C3orf22: variants seen among roughly 807,000 people sequenced by gnomAD.
The protein encoded by C3orf22 is chromosome 3 open reading frame 22.
C3orf22 carries 7 observed loss-of-function variants against 10.8 expected under a neutral mutation model. The ratio of observed to expected loss-of-function variants is 0.65; its 90% CI spans 0.37 to 1.22. The LOEUF is 1.22. Ranked by LOEUF, C3orf22 falls within the 50% of genes most tolerant of loss-of-function variation. The probability of loss-of-function intolerance (pLI) is 0.02; values close to 1 mark genes in which losing one functional copy is unlikely to be tolerated. For missense variants in C3orf22, 173 were observed against 177.0 expected (o/e 0.98, Z 0.13); for synonymous variants, 79 against 78.9 (o/e 1.00, Z 0.00).
chr3:126,549,968 C>T lies in C3orf22; in HGVS notation c.326G>A (p.Arg109His), dbSNP rs199990010. 18 of 1,614,098 alleles carry T rather than the reference C, an allele frequency of 1.1e-5. No homozygotes were observed. The highest frequency in any genetic ancestry group is 6.7e-5 in the African/African-American group (5 of 75,016). ...NLWELKLLSRRFPRQLAFLLS... is the reference protein window; with the variant it reads ...NLWELKLLSRHFPRQLAFLLS... Reference sequence around the variant, plus strand: ...CAGGAAGGCGAGTTGTCTGGGGAAGCGGCGACTCAGCAACTTGAGTTCCCA... The same window carrying T: ...CAGGAAGGCGAGTTGTCTGGGGAAGTGGCGACTCAGCAACTTGAGTTCCCA... The change falls in exon 4 of 4, where the codon CGC (arginine) becomes CAC (histidine). Residue 109 changes from arginine to histidine, a missense_variant. Arg to His is a conservative substitution (Grantham distance 29). Coordinates refer to ENST00000318225, the MANE Select transcript of C3orf22 (RefSeq NM_152533.3).
intron 1 of C3orf22, among the ~76,000 whole-genome samples, chr3:126,557,234 TG>T (rs1937369824): frequency 6.6e-6 from 1 of 152,222 alleles, no homozygotes. Flanking sequence ...CTGCGTGACC[TG>T]GGAGCTCCTC....
At chr3:126,557,803 A>G (rs1249343052) in intron 1 of C3orf22, among the ~76,000 whole-genome samples, 2 of 152,206 alleles carry the variant, frequency 1.3e-5, no homozygotes, top group African/African-American at 4.8e-5. Context: ...TGGGCCCTGA[A>G]GGGCAGGCTT....
exon 6 of C3orf22, chr3:126,527,098 C>G (rs1040310602): frequency 2.6e-5 from 4 of 152,326 alleles, no homozygotes; most frequent in Non-Finnish European, 5.9e-5. Flanking sequence ...GCCCCCTTCC[C>G]CTATTCCACT....
chr3:126,552,241 C>T (rs887562858), intron 2 of C3orf22, 119 bp from the exon 3 acceptor site: 3 of 1,461,640 alleles, frequency 2.1e-6, no homozygotes, highest in African/African-American at 2.9e-5. Context: ...CAAATATTAG[C>T]CCATATGTCA....
At chr3:126,552,521 G>T (rs1194567081) in intron 2 of C3orf22, among the ~76,000 whole-genome samples, 2 of 152,202 alleles carry the variant, frequency 1.3e-5, no homozygotes, top group Non-Finnish European at 2.9e-5. Flanking sequence ...GGGGTGCAAG[G>T]TTATGGCTAC....
At chr3:126,532,564 T>C (rs1276358164) in intron 4 of C3orf22, among the ~76,000 whole-genome samples, 1 of 152,230 alleles carries the variant, frequency 6.6e-6, no homozygotes, top group Non-Finnish European at 1.5e-5. Flanking sequence ...CCCTCATCAA[T>C]AATCAACTGA....
chr3:126,538,677 A>G (rs1337755871), intron 4 of C3orf22, among the ~76,000 whole-genome samples: 2 of 152,174 alleles, frequency 1.3e-5, no homozygotes, highest in African/African-American at 4.8e-5. Flanking sequence ...CCGGGGGCAC[A>G]GCCTCTCCTG....
In C3orf22 at chr3:126,553,396, A is replaced by G. The variant is rs1395997278; in HGVS notation, c.-6T>C. ...TTGCAGGCACTGGAGTCCATCACTG[A>G]GTGGGTTAAGCTGAGGCACACCTCT... On this transcript the variant is annotated 5_prime_UTR_variant, in exon 2 of 4. Transcript: ENST00000318225. The G allele has an allele frequency of 1.9e-5, 29 of 1,554,378 alleles. No homozygotes were observed. The highest frequency in any genetic ancestry group is 2.5e-5 in the Non-Finnish European group (29 of 1,143,472).
rs1243886395 is a variant in C3orf22, at chr3:126,549,776, G to T, written c.*92C>A. ...CTCCCGGTCTATGATGGCCATGAAG[G>T]CTGATCCCTTTACTAAAGTCTCTGT... On this transcript the variant is annotated 3_prime_UTR_variant, in exon 4 of 4. Transcript: ENST00000318225. 32 of 1,516,424 alleles carry T rather than the reference G, an allele frequency of 2.1e-5. No homozygotes were observed. The highest frequency in any genetic ancestry group is 2.5e-5 in the Non-Finnish European group (28 of 1,132,562). The allele number at this position is 1,516,424 out of a possible 1,614,324, so 93.9% of individuals were successfully genotyped here.
In C3orf22 at chr3:126,552,117, G is replaced by A. The variant is rs372125033; in HGVS notation, c.95C>T (p.Ser32Leu). ...CTCAGGGTCGGGCTCTGTCAGCCAC[G>A]ACAACCTGCAACAGCACTTGGAATG... ...NFAKKFPYRL[S>L]WLTEPDPEPL... Residue 32 changes from serine to leucine, a missense_variant, in exon 3 of 4, where the codon TCG becomes TTG. Coordinates refer to ENST00000318225, the MANE Select transcript of C3orf22 (RefSeq NM_152533.3). The A allele has an allele frequency of 3.2e-5, 52 of 1,610,682 alleles. No individual in the cohort carries two copies. The highest frequency in any genetic ancestry group is 4.1e-5 in the Non-Finnish European group (48 of 1,178,404).
chr3:126,557,228 G>A (rs935458935), intron 1 of C3orf22, among the ~76,000 whole-genome samples: 3 of 152,172 alleles, frequency 2.0e-5, no homozygotes, highest in African/African-American at 7.2e-5. Context: ...CCTCTGCTGC[G>A]TGACCTGGGA....
At chr3:126,539,721 C>G (rs1346394903) in intron 4 of C3orf22, among the ~76,000 whole-genome samples, 1 of 108,490 alleles carries the variant, frequency 9.2e-6, no homozygotes, top group East Asian at 3.2e-4. Context: ...GCCACACACA[C>G]CCCCCACACC....
At chr3:126,553,584 C>A (rs1008367538) in intron 1 of C3orf22, among the ~76,000 whole-genome samples, 154 bp from the exon 2 acceptor site, 8 of 152,108 alleles carry the variant, frequency 5.3e-5, no homozygotes, top group African/African-American at 1.9e-4. Context: ...TTTTCTCCTG[C>A]GTGTAGCTTC....
chr3:126,544,505 G>A (rs923470099), intron 4 of C3orf22, among the ~76,000 whole-genome samples: 2 of 152,224 alleles, frequency 1.3e-5, no homozygotes, highest in Admixed American at 1.3e-4. Flanking sequence ...CACTGTCTTT[G>A]TGAGGGGCTC....
At chr3:126,541,777 C>T (rs1936961820) in intron 4 of C3orf22, 1 of 1,527,822 alleles carries the variant, frequency 6.5e-7, no homozygotes, top group Admixed American at 2.0e-5. Flanking sequence ...AGCGGCGCGA[C>T]CTGCTGAACA....
chr3:126,533,292 C>T (rs560067930), intron 4 of C3orf22, among the ~76,000 whole-genome samples: 23 of 152,328 alleles, frequency 1.5e-4, no homozygotes, highest in African/African-American at 5.3e-4. Context: ...AAAGCAGGCA[C>T]TCTTGCCTTG....
chr3:126,544,298 C>T (rs1175737153), intron 4 of C3orf22, among the ~76,000 whole-genome samples: 1 of 152,210 alleles, frequency 6.6e-6, no homozygotes, highest in Non-Finnish European at 1.5e-5. Flanking sequence ...CAAGAAGGCC[C>T]TCACCAGATG....
chr3:126,531,758 T>C (rs190704556), intron 4 of C3orf22, among the ~76,000 whole-genome samples: 1 of 152,360 alleles, frequency 6.6e-6, no homozygotes, highest in East Asian at 1.9e-4. Flanking sequence ...TCATGAATAA[T>C]GCTGATGGGA....
At chr3:126,533,184 A>C (rs1936694012) in intron 4 of C3orf22, among the ~76,000 whole-genome samples, 1 of 152,166 alleles carries the variant, frequency 6.6e-6, no homozygotes, top group Non-Finnish European at 1.5e-5. Flanking sequence ...TGAATAGACA[A>C]AGTTTTACTT....
Sources: gnomAD v4.1 joint callset for allele counts (sites outside exome capture counted in the v4.1 genomes callset) on GRCh38, gnomAD v4.1.1 for gene constraint, MANE v1.5 for transcripts, NCBI Gene and HGNC (gene_info 2026-07-23, HGNC 2026-07-21) for gene names.